Variants in PAPPA observed in about 807,000 individuals in gnomAD.
PAPPA encodes pappalysin 1.
In PAPPA, 60 loss-of-function variants were observed where a neutral mutation model predicts 164.0. The ratio of observed to expected loss-of-function variants is 0.37; its 90% confidence interval spans 0.30 to 0.45. PAPPA has a LOEUF of 0.45. Ranked by LOEUF, PAPPA falls within the 20% of genes least tolerant of loss-of-function variation. The probability of loss-of-function intolerance (pLI) is 1.00; values close to 1 mark genes in which losing one functional copy is unlikely to be tolerated. For synonymous variants in PAPPA, 875 were observed against 814.1 expected (o/e 1.07, Z -1.27); for missense variants, 1,782 against 2,087.3 (o/e 0.85, Z 2.85).
At chr9:116,199,776 C>A (rs1296951069) in intron 2 of PAPPA, among the ~76,000 whole-genome samples, 1 of 152,042 alleles carries the variant, frequency 6.6e-6, no homozygotes, top group East Asian at 1.9e-4. Flanking sequence ...GTACAAGAAG[C>A]CTGGCACCAG....
rs915780490 is a variant in PAPPA at position 116,344,654 on chromosome 9, C to A, written c.3723C>A (p.Ser1241Arg). The change falls in exon 14 of 22, where the codon AGC becomes AGA. Residue 1241 changes from serine (S) to arginine (R), a missense_variant. Physicochemically the swap from Ser to Arg is moderately radical, Grantham distance 110. Coordinates refer to ENST00000328252, the MANE Select transcript of PAPPA (RefSeq NM_002581.5). Reference sequence around the variant, plus strand: ...ACCACGGTGCCCAGTGTACTGTGAGCTGCCGGACAGGCTACGTGCTCCAGA... The same window carrying A: ...ACCACGGTGCCCAGTGTACTGTGAGATGCCGGACAGGCTACGTGCTCCAGA... ...DRYHGAQCTV[S>R]CRTGYVLQIR... 4.3e-6 allele frequency: 7 copies of A among 1,614,164 alleles called. No homozygotes were observed. Among genetic ancestry groups the A allele is most frequent in the Non-Finnish European group, 5.9e-6 (7 of 1,180,020 alleles).
chr9:116,360,941 G>C (rs75916412), intron 17 of PAPPA, among the ~76,000 whole-genome samples: 1 of 152,218 alleles, frequency 6.6e-6, no homozygotes, highest in African/African-American at 2.4e-5. Context: ...GAGATGGCAG[G>C]AGAGCAGGAT....
intron 9 of PAPPA, among the ~76,000 whole-genome samples, chr9:116,279,780 G>A (rs1845245618): frequency 6.6e-6 from 1 of 152,182 alleles, no homozygotes; most frequent in South Asian, 2.1e-4. Context: ...AGGCGGACTG[G>A]GAGAGGGTAG....
At chr9:116,235,752 A>G (rs1844657178) in intron 7 of PAPPA, 115 bp downstream of exon 7, 2 of 986,026 alleles carry the variant, frequency 2.0e-6, no homozygotes, top group South Asian at 1.4e-5. Context: ...GACTCACTCT[A>G]TGGATTGTAA....
chr9:116,304,133 C>T (rs1469219582), intron 10 of PAPPA, among the ~76,000 whole-genome samples: 1 of 152,180 alleles, frequency 6.6e-6, no homozygotes, highest in Non-Finnish European at 1.5e-5. Flanking sequence ...TTGGTGGAAT[C>T]ATCTGTGTGG....
At chr9:116,156,768 T>C (rs1318926033) in intron 1 of PAPPA, among the ~76,000 whole-genome samples, 1 of 152,168 alleles carries the variant, frequency 6.6e-6, no homozygotes, top group Admixed American at 6.5e-5. Context: ...TGGTACAGGC[T>C]GTTGGACTAA....
intron 4 of PAPPA, 82 bp from the exon 5 acceptor site, chr9:116,219,855 G>T (rs1006831901): frequency 8.4e-7 from 1 of 1,191,116 alleles, no homozygotes; most frequent in Non-Finnish European, 1.2e-6. Flanking sequence ...TGACTCTTGG[G>T]CCGCCAGGAG....
intron 1 of PAPPA, among the ~76,000 whole-genome samples, chr9:116,175,348 C>T (rs1843821896): frequency 6.6e-6 from 1 of 152,140 alleles, no homozygotes; most frequent in African/African-American, 2.4e-5. Context: ...TACTATTGCA[C>T]ACTTGAAAAT....
intron 7 of PAPPA, among the ~76,000 whole-genome samples, chr9:116,241,687 A>G (rs1264194248): frequency 1.3e-5 from 2 of 152,230 alleles, no homozygotes; most frequent in African/African-American, 4.8e-5. Context: ...GCAGTAGCAC[A>G]AAGTGGGCTC....
At chr9:116,167,837 C>T (rs1014443062) in intron 1 of PAPPA, among the ~76,000 whole-genome samples, 2 of 152,178 alleles carry the variant, frequency 1.3e-5, no homozygotes, top group African/African-American at 4.8e-5. Flanking sequence ...TTGACCTTCC[C>T]TTTCCCAAAT....
At chr9:116,186,289 T>A (rs918390153) in intron 1 of PAPPA, among the ~76,000 whole-genome samples, 1 of 151,084 alleles carries the variant, frequency 6.6e-6, no homozygotes. Context: ...TAGATATAGA[T>A]ATATATAGAC....
chr9:116,317,706 C>G (rs187551555), intron 10 of PAPPA, among the ~76,000 whole-genome samples: 2 of 152,132 alleles, frequency 1.3e-5, no homozygotes, highest in African/African-American at 2.4e-5. Context: ...GACAATGCCT[C>G]GGGCCCTGAA....
intron 7 of PAPPA, among the ~76,000 whole-genome samples, chr9:116,256,765 T>C (rs1034033378): frequency 6.6e-6 from 1 of 151,962 alleles, no homozygotes; most frequent in Non-Finnish European, 1.5e-5. Flanking sequence ...TTTTAACACA[T>C]TTTTCTCAAT....
At chr9:116,305,816 T>G (rs1375522334) in intron 10 of PAPPA, among the ~76,000 whole-genome samples, 1 of 152,142 alleles carries the variant, frequency 6.6e-6, no homozygotes, top group African/African-American at 2.4e-5. Flanking sequence ...AGTGGCTGGA[T>G]TCCTGGAAAA....
At chr9:116,227,691 T>C in intron 6 of PAPPA, 139 bp downstream of exon 6, 3 of 895,690 alleles carry the variant, frequency 3.3e-6, no homozygotes, top group Non-Finnish European at 5.0e-6. Flanking sequence ...GCAAGGTTAG[T>C]AGTCAAGCGC....
intron 17 of PAPPA, among the ~76,000 whole-genome samples, chr9:116,354,520 C>G (rs997183834): frequency 6.6e-6 from 1 of 152,140 alleles, no homozygotes; most frequent in Non-Finnish European, 1.5e-5. Flanking sequence ...TCAGTGCAGG[C>G]GTCGTCTTCA....
intron 17 of PAPPA, 126 bp from the exon 18 acceptor site, chr9:116,362,466 G>A: frequency 1.0e-6 from 1 of 973,940 alleles, no homozygotes; most frequent in Non-Finnish European, 1.5e-6. Flanking sequence ...CCATTGTTAA[G>A]AAATTGTTTT....
intron 4 of PAPPA, 104 bp from the exon 5 acceptor site, chr9:116,219,833 C>T (rs993993824): frequency 1.8e-5 from 16 of 889,392 alleles, no homozygotes; most frequent in African/African-American, 6.7e-5. Flanking sequence ...TGGCAAGGAA[C>T]GACTTGGGTG....
intron 10 of PAPPA, chr9:116,316,535 C>T (rs1845789461): frequency 6.6e-6 from 1 of 152,226 alleles, no homozygotes; most frequent in Admixed American, 6.5e-5. Context: ...CCTTGTTCCT[C>T]AGAGAACCCT....
Sources: gnomAD v4.1 joint callset for allele counts (sites outside exome capture counted in the v4.1 genomes callset) on GRCh38, gnomAD v4.1.1 for gene constraint, MANE v1.5 for transcripts, NCBI Gene and HGNC (gene_info 2026-07-23, HGNC 2026-07-21) for gene names.